Variants in AK5 observed in about 807,000 individuals in gnomAD.
The protein encoded by AK5 is adenylate kinase 5.
AK5 carries 27 observed loss-of-function variants against 69.5 expected under a neutral mutation model. The observed-to-expected ratio is 0.39, with a 90% CI of 0.29 to 0.54. The LOEUF is 0.54. AK5 is among the 20% of genes least tolerant of loss of function. The probability of loss-of-function intolerance (pLI) is 0.71; values close to 1 mark genes in which losing one functional copy is unlikely to be tolerated. For synonymous variants in AK5, 260 were observed against 244.4 expected (o/e 1.06, Z -0.60); for missense variants, 531 against 700.4 (o/e 0.76, Z 2.73).
intron 8 of AK5, among the ~76,000 whole-genome samples, chr1:77,448,280 C>T (rs953353719): frequency 6.6e-6 from 1 of 152,198 alleles, no homozygotes; most frequent in Admixed American, 6.5e-5. Flanking sequence ...TCCATGGCTT[C>T]CCATGGGCCA....
chr1:77,450,061 G>T (rs1255640877), intron 8 of AK5, among the ~76,000 whole-genome samples: 2 of 152,082 alleles, frequency 1.3e-5, no homozygotes, highest in Non-Finnish European at 2.9e-5. Flanking sequence ...AATCTCTAGG[G>T]CAGGGGCAAA....
chr1:77,557,750 A>G (rs1304388131), intron 13 of AK5, among the ~76,000 whole-genome samples: 1 of 152,136 alleles, frequency 6.6e-6, no homozygotes, highest in Non-Finnish European at 1.5e-5. Context: ...CATGACCCCT[A>G]GCAATGTTTT....
At chr1:77,449,799 G>A (rs1276980859) in intron 8 of AK5, among the ~76,000 whole-genome samples, 1 of 152,148 alleles carries the variant, frequency 6.6e-6, no homozygotes, top group East Asian at 1.9e-4. Context: ...TTTCCCCATT[G>A]TCTTGGGGAT....
Position 77,535,954 on chromosome 1 carries a change from G to A in AK5, c.1536G>A (p.Lys512=). ...RSSLPVDDTT[K]TIAKRLEAYY... ...GCCTGCCTGTGGACGACACCACCAA[G>A]ACCATCGCCAAGCGCCTAGAAGCCT... is the stretch of plus-strand genomic sequence containing the variant. The change falls in exon 13 of 14, where the codon AAG becomes AAA. Residue 512 remains lysine, a synonymous_variant. Coordinates refer to ENST00000354567, the MANE Select transcript of AK5 (RefSeq NM_174858.3). 1 of 1,613,988 alleles carries A rather than the reference G, an allele frequency of 6.2e-7. No homozygotes were observed. The highest frequency in any genetic ancestry group is 1.3e-5 in the African/African-American group (1 of 74,986).
intron 8 of AK5, among the ~76,000 whole-genome samples, chr1:77,462,518 A>G (rs1008588655): frequency 6.6e-6 from 1 of 152,176 alleles, no homozygotes; most frequent in African/African-American, 2.4e-5. Flanking sequence ...ATATGCTAAC[A>G]TCTTTTTATT....
At chr1:77,465,286 A>G (rs533810494) in intron 8 of AK5, among the ~76,000 whole-genome samples, 22 of 152,356 alleles carry the variant, frequency 1.4e-4, no homozygotes, top group Admixed American at 2.6e-4. Context: ...AACATTCAGT[A>G]GATGAAAAAT....
At chr1:77,475,389 T>A (rs1183877629) in intron 8 of AK5, among the ~76,000 whole-genome samples, 4 of 11,822 alleles carry the variant, frequency 3.4e-4, no homozygotes, top group East Asian at 4.9e-3. Flanking sequence ...TATATATATG[T>A]ATATATATAA....
chr1:77,529,054 A>C (rs1385410318), intron 12 of AK5, among the ~76,000 whole-genome samples: 1 of 152,100 alleles, frequency 6.6e-6, no homozygotes, highest in Non-Finnish European at 1.5e-5. Context: ...ATTTTTTCTG[A>C]CTATAGAAAT....
At chr1:77,298,353 C>T (rs1166047449) in intron 5 of AK5, among the ~76,000 whole-genome samples, 1 of 151,950 alleles carries the variant, frequency 6.6e-6, no homozygotes, top group African/African-American at 2.4e-5. Flanking sequence ...AATACTGAAC[C>T]ACCTACGTAG....
chr1:77,283,636 G>A, intron 1 of AK5: 3 of 985,304 alleles, frequency 3.0e-6, no homozygotes, highest in Non-Finnish European at 3.6e-6. Context: ...GAACTCAAGC[G>A]TGGTATGTGA....
chr1:77,337,572 T>C (rs1316964796), intron 5 of AK5, among the ~76,000 whole-genome samples: 2 of 152,208 alleles, frequency 1.3e-5, no homozygotes, highest in African/African-American at 2.4e-5. Context: ...CTGGTAATTA[T>C]GTTAACTATG....
intron 1 of AK5, chr1:77,282,947 CT>C (rs1333427206): frequency 1.0e-6 from 1 of 985,722 alleles, no homozygotes; most frequent in Non-Finnish European, 1.2e-6. Flanking sequence ...TTGCTCTGCG[CT>C]TTCGCTGAAT....
intron 3 of AK5, among the ~76,000 whole-genome samples, chr1:77,296,906 A>T (rs1659036958): frequency 6.6e-6 from 1 of 152,106 alleles, no homozygotes; most frequent in African/African-American, 2.4e-5. Flanking sequence ...CTTTTTACAC[A>T]GTGTGTGTTC....
intron 5 of AK5, among the ~76,000 whole-genome samples, chr1:77,331,071 AAATAT>A (rs533748149): frequency 2.2e-3 from 340 of 152,192 alleles, no homozygotes; most frequent in Non-Finnish European, 4.0e-3. Context: ...TAATATACAA[AAATAT>A]AATATAATTA....
chr1:77,360,493 T>A (rs1646843541), intron 6 of AK5, among the ~76,000 whole-genome samples: 1 of 151,826 alleles, frequency 6.6e-6, no homozygotes, highest in Non-Finnish European at 1.5e-5. Flanking sequence ...GCAGAGAAGT[T>A]AGGGGGGGTG....
intron 13 of AK5, among the ~76,000 whole-genome samples, chr1:77,540,254 G>A (rs536240104): frequency 7.9e-5 from 12 of 152,322 alleles, no homozygotes; most frequent in East Asian, 5.8e-4. Flanking sequence ...TTCTTGTAAC[G>A]TGCACACCAG....
chr1:77,332,397 T>G (rs1661135679), intron 5 of AK5, among the ~76,000 whole-genome samples: 1 of 146,460 alleles, frequency 6.8e-6, no homozygotes, highest in Non-Finnish European at 1.5e-5. Flanking sequence ...AAGGTCTAAA[T>G]TTTTCTTTTT....
intron 12 of AK5, among the ~76,000 whole-genome samples, chr1:77,523,125 T>G (rs1359767493): frequency 6.6e-6 from 1 of 152,194 alleles, no homozygotes; most frequent in Non-Finnish European, 1.5e-5. Flanking sequence ...TACTTTGACC[T>G]CCTTCTGAGC....
chr1:77,448,915 C>A (rs565869052), intron 8 of AK5, among the ~76,000 whole-genome samples: 1 of 152,326 alleles, frequency 6.6e-6, no homozygotes, highest in East Asian at 1.9e-4. Flanking sequence ...CAGCAGAGAG[C>A]TGGCAACAAG....
Sources: allele counts gnomAD v4.1 joint callset (sites outside exome capture counted in the v4.1 genomes callset), GRCh38; gene constraint gnomAD v4.1.1; transcripts MANE v1.5; gene names NCBI Gene and HGNC (gene_info 2026-07-23, HGNC 2026-07-21).